NUP210L: variants seen among roughly 807,000 people sequenced by gnomAD.
NUP210L encodes the protein nucleoporin 210 like, also known as nuclear pore membrane glycoprotein 210-like.
In NUP210L, 74 loss-of-function variants were observed where a neutral mutation model predicts 208.5. That is an observed-to-expected ratio of 0.35 (90% CI 0.29 to 0.43). The LOEUF (loss-of-function observed/expected upper bound fraction) is 0.43. NUP210L is among the 20% of genes least tolerant of loss of function. The pLI is 1.00. For synonymous variants in NUP210L, 780 were observed against 816.9 expected, an observed-to-expected ratio of 0.95 and a Z score of 0.77; for missense variants, 1,843 against 2,289.4, an observed-to-expected ratio of 0.81 and a Z score of 3.98.
At chr1:154,004,214 G>C (rs1160961933) in intron 35 of NUP210L, among the ~76,000 whole-genome samples, 1 of 151,392 alleles carries the variant, frequency 6.6e-6, no homozygotes, top group East Asian at 1.9e-4. Flanking sequence ...GACTACAGGT[G>C]CCCACCACCA....
intron 25 of NUP210L, among the ~76,000 whole-genome samples, chr1:154,052,401 G>A (rs962189264): frequency 6.6e-6 from 1 of 152,090 alleles, no homozygotes; most frequent in Non-Finnish European, 1.5e-5. Context: ...CAACTGTCAT[G>A]AGCAACACCC....
chr1:154,054,564 T>A (rs1188323975), intron 24 of NUP210L, among the ~76,000 whole-genome samples, 157 bp from the exon 25 acceptor site: 1 of 152,220 alleles, frequency 6.6e-6, no homozygotes, highest in East Asian at 1.9e-4. Context: ...ATGGAAGTAC[T>A]GCAAATGATC....
chr1:154,006,229 G>A (rs1650518336), intron 35 of NUP210L, among the ~76,000 whole-genome samples: 2 of 151,812 alleles, frequency 1.3e-5, no homozygotes, highest in Non-Finnish European at 2.9e-5. Flanking sequence ...CCAAGGCTAG[G>A]GTGTAGTAGC....
At chr1:154,152,711 C>G (rs1034218985) in intron 2 of NUP210L, 25 bp downstream of exon 2, 1 of 1,605,836 alleles carries the variant, frequency 6.2e-7, no homozygotes, top group Non-Finnish European at 8.5e-7. Context: ...AGAAGTGATA[C>G]ATAGTGTTTT....
At chr1:154,073,102 G>C (rs183986634) in intron 16 of NUP210L, among the ~76,000 whole-genome samples, 1 of 152,152 alleles carries the variant, frequency 6.6e-6, no homozygotes, top group Non-Finnish European at 1.5e-5. Flanking sequence ...TCATCAAAAA[G>C]TGGGCTAAGG....
chr1:154,058,464 T>C (rs1022482391), intron 21 of NUP210L, 101 bp downstream of exon 21: 80 of 1,338,390 alleles, frequency 6.0e-5, no homozygotes, highest in Middle Eastern at 2.1e-4. Flanking sequence ...CCAGAAGTCC[T>C]GGTATACACA....
At chr1:154,051,147 T>C (rs952993234) in intron 25 of NUP210L, among the ~76,000 whole-genome samples, 2 of 152,206 alleles carry the variant, frequency 1.3e-5, no homozygotes, top group Non-Finnish European at 2.9e-5. Context: ...TCCAGGACCT[T>C]TAACTGAAGG....
chr1:153,996,314 A>T (rs182780695), intron 37 of NUP210L, among the ~76,000 whole-genome samples: 5 of 152,018 alleles, frequency 3.3e-5, no homozygotes, highest in African/African-American at 7.2e-5. Flanking sequence ...ACAAACAAAA[A>T]CATGCTGTTT....
chr1:154,106,807 G>C (rs932748258), intron 12 of NUP210L, among the ~76,000 whole-genome samples: 1 of 152,250 alleles, frequency 6.6e-6, no homozygotes, highest in South Asian at 2.1e-4. Context: ...TACTGGGCTT[G>C]GGGTGCCGCC....
chr1:154,124,064 G>A (rs1005835220), intron 10 of NUP210L, among the ~76,000 whole-genome samples: 4 of 151,906 alleles, frequency 2.6e-5, no homozygotes, highest in South Asian at 2.1e-4. Context: ...GCACACGCCT[G>A]TAGTCCTAGC....
chr1:154,010,046 T>A, exon 35 of NUP210L: 1 of 1,613,800 alleles, frequency 6.2e-7, no homozygotes. Flanking sequence ...ATTACTGAAC[T>A]GTACATGGCA....
At chr1:154,038,794 A>G (rs1652702748) in intron 27 of NUP210L, among the ~76,000 whole-genome samples, 1 of 152,146 alleles carries the variant, frequency 6.6e-6, no homozygotes. Context: ...GGTTACAATA[A>G]TGCTTGCAAA....
chr1:154,141,582 A>G, intron 3 of NUP210L, 58 bp from the exon 4 acceptor site: 1 of 1,036,486 alleles, frequency 9.6e-7, no homozygotes, highest in Non-Finnish European at 1.5e-6. Context: ...ATATTCAGGT[A>G]TTTACAACAA....
At chr1:154,154,705 A>ACACT (rs890430611) in intron 1 of NUP210L, 137 bp downstream of exon 1, 2 of 686,536 alleles carry the variant, frequency 2.9e-6, no homozygotes, top group African/African-American at 3.6e-5. Flanking sequence ...CACTGACACC[A>ACACT]CACTCTCCTC....
intron 16 of NUP210L, 79 bp from the exon 17 acceptor site, chr1:154,070,544 G>A: frequency 1.0e-6 from 1 of 955,784 alleles, no homozygotes. Context: ...TCTAAAGCTA[G>A]GAATCGAGTT....
chr1:154,006,557 G>C lies in NUP210L; in HGVS notation c.4930+3415C>G, dbSNP rs185463519. Among the ~76,000 whole-genome samples the C allele has an allele frequency of 1.9e-3, 290 of 151,392 alleles. 1 individual carries two copies. The highest frequency in any genetic ancestry group is 6.7e-3 in the African/African-American group (277 of 41,282). On this transcript the variant is annotated intron_variant, in intron 35 of 39. Transcript: ENST00000368559. ...CGCCCAGGCTGGAGTGAAGTGGCACGATCTCGGCTCACTGCAACCTCCGCC... is the reference window on the plus strand; with the variant it reads ...CGCCCAGGCTGGAGTGAAGTGGCACCATCTCGGCTCACTGCAACCTCCGCC...
chr1:154,050,644 C>A (rs752268426), intron 25 of NUP210L, among the ~76,000 whole-genome samples: 1 of 152,156 alleles, frequency 6.6e-6, no homozygotes, highest in Non-Finnish European at 1.5e-5. Flanking sequence ...GTCCCTCTCA[C>A]GAAGGCATAA....
chr1:154,072,377 G>A (rs2148015337), intron 16 of NUP210L, among the ~76,000 whole-genome samples: 1 of 126,552 alleles, frequency 7.9e-6, no homozygotes, highest in African/African-American at 3.0e-5. Flanking sequence ...CTGTTGCCCA[G>A]GCTAGAGTGC....
At chr1:154,055,526 C>T (rs1653816658) in intron 23 of NUP210L, among the ~76,000 whole-genome samples, 1 of 152,112 alleles carries the variant, frequency 6.6e-6, no homozygotes, top group Admixed American at 6.5e-5. Context: ...GCTGGGATTA[C>T]AGGCGTGAGC....
Sources: gnomAD v4.1 joint callset for allele counts (sites outside exome capture counted in the v4.1 genomes callset) on GRCh38, gnomAD v4.1.1 for gene constraint, MANE v1.5 for transcripts, NCBI Gene and HGNC (gene_info 2026-07-23, HGNC 2026-07-21) for gene names.